The following SYNJ2 variants were observed in gnomAD, a reference collection of about 807,000 sequenced individuals.
The protein encoded by SYNJ2 is synaptojanin 2, also known as polyphosphatidylinositol phosphatase SYNJ2.
In SYNJ2, 116 loss-of-function variants were observed where a neutral mutation model predicts 141.3. The observed-to-expected ratio is 0.82, with a 90% CI of 0.71 to 0.96. The LOEUF (loss-of-function observed/expected upper bound fraction) is 0.96. Among genes scored for constraint, SYNJ2 ranks in the 40% least tolerant of loss-of-function variants. SYNJ2 has a pLI of 0.00. For synonymous variants in SYNJ2, 745 were observed against 777.7 expected, an observed-to-expected ratio of 0.96 and a Z score of 0.70; for missense variants, 1,873 against 1,934.8, an observed-to-expected ratio of 0.97 and a Z score of 0.60.
chr6:157,981,655 C>G (rs1039741832), upstream of SYNJ2, among the ~76,000 whole-genome samples: 1 of 151,974 alleles, frequency 6.6e-6, no homozygotes, highest in Non-Finnish European at 1.5e-5. The surrounding 1 kb of genome is among the most constrained non-coding windows in gnomAD (Gnocchi z 6.4). Context: ...ATCCGGGAGG[C>G]TCTTCCGCTC....
chr6:158,058,984 G>A (rs533101967), intron 6 of SYNJ2, among the ~76,000 whole-genome samples: 1 of 152,354 alleles, frequency 6.6e-6, no homozygotes, highest in Admixed American at 6.5e-5. Context: ...TAGATATAAT[G>A]GGAGGTGCTT....
At chr6:158,048,032 C>T (rs1303347222) in intron 5 of SYNJ2, among the ~76,000 whole-genome samples, 4 of 152,132 alleles carry the variant, frequency 2.6e-5, no homozygotes, top group Non-Finnish European at 4.4e-5. Context: ...TATCTCTCAT[C>T]CCTCATAGAC....
intron 23 of SYNJ2, among the ~76,000 whole-genome samples, chr6:158,088,366 A>G (rs1203881827): frequency 1.3e-5 from 2 of 152,092 alleles, no homozygotes; most frequent in African/African-American, 2.4e-5. Flanking sequence ...TTCAAAATCA[A>G]TTGGTTTTTA....
chr6:158,038,205 A>C (rs180972516), intron 4 of SYNJ2, among the ~76,000 whole-genome samples: 17 of 152,068 alleles, frequency 1.1e-4, no homozygotes, highest in Non-Finnish European at 2.5e-4. Flanking sequence ...TGGCTCCCAT[A>C]AGCCTTTGTG....
rs201766381 is a variant in SYNJ2, at chr6:158,084,061, C to T, written c.3095C>T (p.Ser1032Leu). 81 of 1,614,152 alleles carry T rather than the reference C, an allele frequency of 5.0e-5. 2 individuals are homozygous for T. In the South Asian group the frequency reaches 5.3e-4, roughly 11 times the overall value. ...GATGAATTCAATCAGCCTGGAGTCT[C>T]GGACAGTGAACTCGGGGGAGACGAC... ...LVDEFNQPGV[S>L]DSELGGDDLS... The change falls in exon 22 of 27, where the codon TCG (serine) becomes TTG (leucine). Residue 1032 changes from serine (S) to leucine (L), a missense_variant. Transcript: ENST00000355585. This position sits in a 1 kb window ranked among gnomAD's most constrained non-coding sequence, Gnocchi z 5.0.
chr6:158,039,754 C>T (rs1471445107), intron 4 of SYNJ2, among the ~76,000 whole-genome samples: 2 of 150,104 alleles, frequency 1.3e-5, no homozygotes, highest in Non-Finnish European at 3.0e-5. Flanking sequence ...TCGGTGGCCT[C>T]GCCCCAGGGT....
chr6:158,031,261 G>A (rs1383268799), intron 3 of SYNJ2, among the ~76,000 whole-genome samples: 3 of 152,236 alleles, frequency 2.0e-5, no homozygotes, highest in Admixed American at 2.0e-4. Flanking sequence ...CAGCGGCAGT[G>A]AGGGTCCTTG....
At chr6:158,088,047 T>C (rs1783190997) in intron 23 of SYNJ2, among the ~76,000 whole-genome samples, 1 of 32,188 alleles carries the variant, frequency 3.1e-5, no homozygotes, top group African/African-American at 1.0e-4. Flanking sequence ...TTTTTTTTTT[T>C]TTTTTTTTTT....
At chr6:158,044,232 C>T (rs1362607273) in intron 5 of SYNJ2, among the ~76,000 whole-genome samples, 1 of 152,212 alleles carries the variant, frequency 6.6e-6, no homozygotes. Context: ...GTGCCATCTG[C>T]CAGGTTCCAG....
intron 12 of SYNJ2, 112 bp downstream of exon 12, chr6:158,066,747 C>G: frequency 7.9e-7 from 1 of 1,268,426 alleles, no homozygotes; most frequent in Non-Finnish European, 1.1e-6. Context: ...GGTGTCTTCC[C>G]TCCTCACAAT....
rs1778051767 is a variant in SYNJ2, at chr6:158,005,900, C to T, written c.128-11304C>T. Among the ~76,000 whole-genome samples the T allele has an allele frequency of 2.0e-5, 3 of 152,344 alleles. No homozygotes were observed. In the South Asian group the frequency reaches 6.2e-4, roughly 32 times the overall value. On this transcript the variant is annotated intron_variant, in intron 1 of 26. Coordinates refer to ENST00000355585, the MANE Select transcript of SYNJ2 (RefSeq NM_003898.4). ...CCATGTCTGTCCCCCTTCCCACCTG[C>T]TCCCCGCAGTGCACTGTCTACGTTT...
chr6:158,070,767 T>C lies in SYNJ2; in HGVS notation c.1941-835T>C, dbSNP rs1461463132. 6.6e-6 allele frequency among the ~76,000 whole-genome samples: 1 copy of C among 152,220 alleles called. No individual in the cohort carries two copies. The highest frequency in any genetic ancestry group is 1.5e-5 in the Non-Finnish European group (1 of 68,036). ...CAAATGTGCTTGCAGCCCATGTTTC[T>C]ATGGACTCGTATGCGTCATAAGTGG... On this transcript the variant is annotated intron_variant, in intron 14 of 26. Transcript: ENST00000355585. This position sits in a 1 kb window ranked among gnomAD's most constrained non-coding sequence, Gnocchi z 4.0.
Position 158,076,810 on chromosome 6 carries a change from C to T in SYNJ2, c.2449+28C>T, listed in dbSNP as rs371005422. 1.3e-5 allele frequency: 21 copies of T among 1,586,768 alleles called. No homozygotes were observed. The South Asian group carries it at 1.3e-4, about 10-fold the overall frequency. ...GAGGGGGCCGTGCCCGTTCGAGAGT[C>T]GGCAGAGGGTGAATAAGAAATGCGA... On this transcript the variant is annotated intron_variant, in intron 17 of 26. Transcript: ENST00000355585.
intron 5 of SYNJ2, among the ~76,000 whole-genome samples, chr6:158,052,985 C>G (rs1026216385): frequency 3.3e-5 from 5 of 152,200 alleles, no homozygotes; most frequent in Non-Finnish European, 7.3e-5. Flanking sequence ...GGTCATGTCT[C>G]TAGTCTTTAA....
chr6:158,085,362 G>A (rs936213263), intron 22 of SYNJ2, among the ~76,000 whole-genome samples: 9 of 152,112 alleles, frequency 5.9e-5, no homozygotes, highest in African/African-American at 1.4e-4. Context: ...CTAATGTTAC[G>A]TGGCTGGCAG....
chr6:157,995,349 G>A (rs1777599417), intron 1 of SYNJ2, among the ~76,000 whole-genome samples: 1 of 152,104 alleles, frequency 6.6e-6, no homozygotes, highest in Admixed American at 6.5e-5. Context: ...GACTTGAGGG[G>A]TGCTCCTATT....
intron 23 of SYNJ2, among the ~76,000 whole-genome samples, chr6:158,087,875 CTTTTT>C (rs749329722): frequency 6.3e-5 from 6 of 94,502 alleles, no homozygotes; most frequent in African/African-American, 1.5e-4. Context: ...CAACATACTT[CTTTTT>C]TTTTTTTTTT....
At position 158,000,064 on chromosome 6, in the gene SYNJ2, C is replaced by CTTTTT. The variant is rs58284240; in HGVS notation, c.128-17105_128-17101dup. Among the ~76,000 whole-genome samples, 170 of 85,542 alleles carry CTTTTT rather than the reference C, an allele frequency of 2.0e-3. 38 individuals carry two copies. The highest frequency in any genetic ancestry group is 2.9e-3 in the Non-Finnish European group (118 of 40,820). 56.1% of individuals were successfully genotyped at this position (85,542 alleles called of 152,430 possible). A position where few individuals can be genotyped will look rare whatever the true frequency, so the allele number is the denominator to read the frequency against. On this transcript the variant is annotated intron_variant, in intron 1 of 26. Transcript: ENST00000355585. ...GCCAGGTTCTCACCAAGCCAAAAGG[C>CTTTTT]TTTTTTTTTTTTTTTTTTTTTTTTT...
chr6:157,988,256 G>C (rs573962087), intron 1 of SYNJ2, among the ~76,000 whole-genome samples: 2 of 152,214 alleles, frequency 1.3e-5, no homozygotes, highest in African/African-American at 2.4e-5. Flanking sequence ...CTCCCTGCAG[G>C]GGGGCATGAA....
Sources: allele counts gnomAD v4.1 joint callset (sites outside exome capture counted in the v4.1 genomes callset), GRCh38; gene constraint gnomAD v4.1.1; non-coding constraint Gnocchi (gnomAD v3.1); transcripts MANE v1.5; gene names NCBI Gene and HGNC (gene_info 2026-07-23, HGNC 2026-07-21).